SPOCK1: variants seen among roughly 807,000 people sequenced by gnomAD.
The protein encoded by SPOCK1 is testican-1.
A neutral mutation model predicts 55.3 loss-of-function variants in SPOCK1; 23 were observed. The ratio of observed to expected loss-of-function variants is 0.42; its 90% CI spans 0.30 to 0.59. The LOEUF (loss-of-function observed/expected upper bound fraction) is 0.59. Ranked by LOEUF, SPOCK1 falls within the 20% of genes least tolerant of loss-of-function variation. The pLI, the probability that SPOCK1 is intolerant of heterozygous loss-of-function variation, is 0.22. For missense variants in SPOCK1, 499 were observed against 552.5 expected, an observed-to-expected ratio of 0.90 and a Z score of 0.97; for synonymous variants, 226 against 221.0, an observed-to-expected ratio of 1.02 and a Z score of -0.20.
At chr5:137,408,791 G>A (rs557113086) in intron 2 of SPOCK1, among the ~76,000 whole-genome samples, 1 of 152,300 alleles carries the variant, frequency 6.6e-6, no homozygotes, top group East Asian at 1.9e-4. Context: ...GTCAAGGAAA[G>A]AACATGAGAC....
chr5:137,339,625 T>A (rs1045404585), intron 2 of SPOCK1, among the ~76,000 whole-genome samples: 1 of 152,178 alleles, frequency 6.6e-6, no homozygotes, highest in Admixed American at 6.5e-5. Context: ...AGCTCCTTTT[T>A]TTTTCAATCA....
intron 2 of SPOCK1, among the ~76,000 whole-genome samples, chr5:137,309,606 C>A (rs140890077): frequency 6.6e-6 from 1 of 152,100 alleles, no homozygotes; most frequent in Non-Finnish European, 1.5e-5. Flanking sequence ...GGGTTGAGTG[C>A]GCTATAACCT....
chr5:137,373,330 T>A (rs1240303752), intron 2 of SPOCK1, among the ~76,000 whole-genome samples: 1 of 152,178 alleles, frequency 6.6e-6, no homozygotes, highest in Non-Finnish European at 1.5e-5. Context: ...AGTTTCCTAC[T>A]GAGAATACCT....
In SPOCK1 at chr5:137,012,928, A is replaced by G. The variant is rs114482052; in HGVS notation, c.590-20328T>C. Among the ~76,000 whole-genome samples, 188 of 152,342 alleles carry G rather than the reference A, an allele frequency of 1.2e-3. 2 individuals are homozygous for G. The highest frequency in any genetic ancestry group is 4.3e-3 in the African/African-American group (180 of 41,592). ...GGCATTAAAAATTTGCCAAAGAAGA[A>G]TATTATGACATGGAAAATGTTTATG... is the stretch of plus-strand genomic sequence containing the variant. On this transcript the variant is annotated intron_variant, in intron 6 of 10. Coordinates refer to ENST00000394945, the MANE Select transcript of SPOCK1 (RefSeq NM_004598.4).
chr5:137,353,095 A>G (rs1750717050), intron 2 of SPOCK1, among the ~76,000 whole-genome samples: 1 of 152,228 alleles, frequency 6.6e-6, no homozygotes. Context: ...AAAGTGACAC[A>G]GGAGCCAGGT....
chr5:137,140,461 T>G (rs923739444), intron 4 of SPOCK1, 119 bp downstream of exon 4: 2 of 721,296 alleles, frequency 2.8e-6, no homozygotes, highest in Non-Finnish European at 4.5e-6. Flanking sequence ...ACCATACAAA[T>G]GGCGACCCTA....
chr5:137,299,024 A>G (rs1057056830), intron 2 of SPOCK1, among the ~76,000 whole-genome samples: 2 of 152,062 alleles, frequency 1.3e-5, no homozygotes, highest in Non-Finnish European at 2.9e-5. Flanking sequence ...ACATATTCCT[A>G]TTTGTTTTCT....
At chr5:137,226,671 C>T (rs1464233386) in intron 3 of SPOCK1, among the ~76,000 whole-genome samples, 2 of 152,220 alleles carry the variant, frequency 1.3e-5, no homozygotes, top group Non-Finnish European at 2.9e-5. Context: ...AACCCCTACC[C>T]GTAGGCTCAG....
At chr5:137,210,124 G>A (rs906127341) in intron 3 of SPOCK1, among the ~76,000 whole-genome samples, 2 of 152,086 alleles carry the variant, frequency 1.3e-5, no homozygotes, top group Non-Finnish European at 2.9e-5. Context: ...TTATACATAG[G>A]ACAATTGAGC....
At chr5:137,192,496 T>C (rs753559556) in intron 3 of SPOCK1, among the ~76,000 whole-genome samples, 6 of 152,128 alleles carry the variant, frequency 3.9e-5, no homozygotes, top group Non-Finnish European at 5.9e-5. Flanking sequence ...TAGAAGGATT[T>C]TTCCCACTCC....
chr5:137,022,573 C>T (rs577189991), intron 6 of SPOCK1, among the ~76,000 whole-genome samples: 1 of 152,302 alleles, frequency 6.6e-6, no homozygotes, highest in South Asian at 2.1e-4. Flanking sequence ...ATATTACACT[C>T]ATGCAAGACG....
intron 2 of SPOCK1, among the ~76,000 whole-genome samples, chr5:137,415,500 T>G (rs1324568025): frequency 1.3e-5 from 2 of 152,236 alleles, no homozygotes; most frequent in Non-Finnish European, 2.9e-5. Flanking sequence ...GACAGCCAGG[T>G]CCTTCCCTCT....
chr5:137,429,681 G>A (rs1016980029), intron 2 of SPOCK1, among the ~76,000 whole-genome samples: 1 of 152,228 alleles, frequency 6.6e-6, no homozygotes, highest in African/African-American at 2.4e-5. Flanking sequence ...TTCTTTGGCA[G>A]AGCTGTGGTT....
intron 3 of SPOCK1, among the ~76,000 whole-genome samples, chr5:137,195,431 G>GT (rs1186258307): frequency 6.6e-6 from 1 of 152,212 alleles, no homozygotes; most frequent in Non-Finnish European, 1.5e-5. Context: ...AACATTAATT[G>GT]TTTTTTGAAG....
chr5:137,273,185 G>C (rs1016176250), intron 2 of SPOCK1, among the ~76,000 whole-genome samples: 1 of 152,172 alleles, frequency 6.6e-6, no homozygotes, highest in Non-Finnish European at 1.5e-5. Flanking sequence ...GCAGCAAATG[G>C]ACTGTTTATA....
At chr5:137,295,622 G>C (rs1395586808) in intron 2 of SPOCK1, among the ~76,000 whole-genome samples, 3 of 152,104 alleles carry the variant, frequency 2.0e-5, no homozygotes, top group East Asian at 3.9e-4. Flanking sequence ...TTTTCCCCCA[G>C]TACAGGCCAA....
chr5:137,356,838 TAGAGAGAGAGAGAG>T (rs1177060339), intron 2 of SPOCK1, among the ~76,000 whole-genome samples: 2 of 5,454 alleles, frequency 3.7e-4, no homozygotes, highest in Admixed American at 2.8e-3. Context: ...TATATATATA[TAGAGAGAGAGAGAG>T]AGAGAGAGAG....
intron 2 of SPOCK1, among the ~76,000 whole-genome samples, chr5:137,468,090 T>C (rs1007694994): frequency 3.3e-5 from 5 of 152,298 alleles, no homozygotes; most frequent in African/African-American, 1.2e-4. Flanking sequence ...CTGTCCCTAA[T>C]CAAAATGAGA....
At chr5:137,186,851 G>A (rs1039828561) in intron 3 of SPOCK1, among the ~76,000 whole-genome samples, 3 of 152,090 alleles carry the variant, frequency 2.0e-5, no homozygotes, top group African/African-American at 7.2e-5. Context: ...TCACAAAACT[G>A]TTCTCACCAG....
Sources: gnomAD v4.1 joint callset for allele counts (sites outside exome capture counted in the v4.1 genomes callset) on GRCh38, gnomAD v4.1.1 for gene constraint, MANE v1.5 for transcripts, NCBI Gene and HGNC (gene_info 2026-07-23, HGNC 2026-07-21) for gene names.